The following HS6ST3 variants were observed in gnomAD, a reference collection of about 807,000 sequenced individuals.
HS6ST3 encodes heparan-sulfate 6-O-sulfotransferase 3.
Under a neutral mutation model 36.7 loss-of-function variants are expected in HS6ST3, and 12 were observed. That is an observed-to-expected ratio of 0.33 (90% CI 0.21 to 0.53). HS6ST3 has a LOEUF of 0.53. HS6ST3 is among the 20% of genes least tolerant of loss of function. The pLI, the probability that HS6ST3 is intolerant of heterozygous loss-of-function variation, is 0.95. For missense variants in HS6ST3, 584 were observed against 640.9 expected (o/e 0.91, Z 0.96); for synonymous variants, 240 against 257.5 (o/e 0.93, Z 0.65).
chr13:96,402,255 A>G (rs879558130), intron 1 of HS6ST3, among the ~76,000 whole-genome samples: 1 of 152,224 alleles, frequency 6.6e-6, no homozygotes, highest in Non-Finnish European at 1.5e-5. Flanking sequence ...AGCTCCTCAG[A>G]TTCTCATCTA....
intron 1 of HS6ST3, among the ~76,000 whole-genome samples, chr13:96,198,763 T>C (rs1760923078): frequency 6.6e-6 from 1 of 152,204 alleles, no homozygotes; most frequent in Non-Finnish European, 1.5e-5. Flanking sequence ...TCAACAAGTT[T>C]CTAGGAAGTT....
At chr13:96,413,290 A>G (rs1161798224) in intron 1 of HS6ST3, among the ~76,000 whole-genome samples, 2 of 152,248 alleles carry the variant, frequency 1.3e-5, no homozygotes, top group Non-Finnish European at 2.9e-5. Context: ...GAGTAACAGT[A>G]CCTTGAACAC....
intron 1 of HS6ST3, among the ~76,000 whole-genome samples, chr13:96,103,915 T>C (rs1014007418): frequency 6.6e-6 from 1 of 151,840 alleles, no homozygotes; most frequent in Non-Finnish European, 1.5e-5. Context: ...GAAACCTTTT[T>C]TCCTCCTAGG....
At chr13:96,296,040 A>T (rs147550192) in intron 1 of HS6ST3, among the ~76,000 whole-genome samples, 1 of 152,248 alleles carries the variant, frequency 6.6e-6, no homozygotes, top group African/African-American at 2.4e-5. Flanking sequence ...AGCCATATAT[A>T]CTATTTACAT....
intron 1 of HS6ST3, among the ~76,000 whole-genome samples, chr13:96,375,345 T>C (rs2055309805): frequency 6.6e-6 from 1 of 152,182 alleles, no homozygotes. Context: ...TTGTTTTGTT[T>C]TTACTGTCTA....
intron 1 of HS6ST3, among the ~76,000 whole-genome samples, chr13:96,381,914 G>A (rs909302067): frequency 1.3e-5 from 2 of 152,266 alleles, no homozygotes; most frequent in Non-Finnish European, 1.5e-5. Context: ...TGAGGCAGGA[G>A]GACACTGGCC....
At chr13:96,461,364 A>G (rs1362003923) in intron 1 of HS6ST3, among the ~76,000 whole-genome samples, 2 of 152,160 alleles carry the variant, frequency 1.3e-5, no homozygotes, top group Non-Finnish European at 1.5e-5. Context: ...GTTTAATGCA[A>G]TTGTAGTATT....
intron 1 of HS6ST3, among the ~76,000 whole-genome samples, chr13:96,271,931 C>T (rs2054722323): frequency 6.6e-6 from 1 of 151,858 alleles, no homozygotes; most frequent in Non-Finnish European, 1.5e-5. Context: ...GAGATGCTAC[C>T]AAAGGGATGA....
chr13:96,581,146 A>G (rs2056340480), intron 1 of HS6ST3, among the ~76,000 whole-genome samples: 2 of 152,158 alleles, frequency 1.3e-5, no homozygotes, highest in African/African-American at 4.8e-5. Flanking sequence ...CATTTGAAAA[A>G]GGAATAAATT....
At chr13:96,190,641 A>G (rs887066942) in intron 1 of HS6ST3, among the ~76,000 whole-genome samples, 24 of 152,210 alleles carry the variant, frequency 1.6e-4, no homozygotes, top group Admixed American at 1.3e-3. Context: ...TAAAGCTTAC[A>G]TTTTGAAGGT....
At chr13:96,295,150 C>G (rs1041739657) in intron 1 of HS6ST3, among the ~76,000 whole-genome samples, 6 of 152,160 alleles carry the variant, frequency 3.9e-5, no homozygotes, top group Middle Eastern at 3.4e-3. Flanking sequence ...ATGGCCATGG[C>G]TAGGTATTTT....
At position 96,747,766 on chromosome 13, in the gene HS6ST3, G is replaced by A. The variant is rs1020251370; in HGVS notation, c.708-84724G>A. Among the ~76,000 whole-genome samples, 6 of 152,074 alleles carry A rather than the reference G, an allele frequency of 3.9e-5. No individual in the cohort carries two copies. The East Asian group carries it at 1.2e-3, about 30-fold the overall frequency. ...TGGTTAATGAGAAGGATCTCACTGTGGCCATGGAAATGAGTGGTTGAAGCA... is the reference window on the plus strand; with the variant it reads ...TGGTTAATGAGAAGGATCTCACTGTAGCCATGGAAATGAGTGGTTGAAGCA... On this transcript the variant is annotated intron_variant, in intron 1 of 1. Transcript: ENST00000376705.
chr13:96,455,060 A>G (rs2055748206), intron 1 of HS6ST3, among the ~76,000 whole-genome samples: 1 of 152,168 alleles, frequency 6.6e-6, no homozygotes, highest in African/African-American at 2.4e-5. Flanking sequence ...CCATCTGACT[A>G]CTAATTTTAC....
intron 1 of HS6ST3, among the ~76,000 whole-genome samples, chr13:96,180,224 C>T (rs983515144): frequency 2.3e-4 from 35 of 152,176 alleles, no homozygotes; most frequent in Non-Finnish European, 5.0e-4. Context: ...ACCAACTAAA[C>T]TCATGTGCAT....
At chr13:96,248,207 A>G (rs892859817) in intron 1 of HS6ST3, among the ~76,000 whole-genome samples, 1 of 152,186 alleles carries the variant, frequency 6.6e-6, no homozygotes, top group Non-Finnish European at 1.5e-5. Flanking sequence ...TGTACCAACA[A>G]AAACCTTTTA....
Position 96,689,394 on chromosome 13 carries a change from A to C in HS6ST3, c.708-143096A>C, listed in dbSNP as rs139613445. ...TATCTTTCCCTCATCTAAATTTAAG[A>C]TATTGATCTGTAGCAAATTTAACCT... On this transcript the variant is annotated intron_variant, in intron 1 of 1. Transcript: ENST00000376705. Among the ~76,000 whole-genome samples, 470 of 152,068 alleles carry C rather than the reference A, an allele frequency of 3.1e-3. 2 individuals are homozygous for C. The highest frequency in any genetic ancestry group is 0.01 in the Middle Eastern group (3 of 294).
chr13:96,464,138 C>CAAAAAAAAAAAAAAAAAA (rs67305199), intron 1 of HS6ST3, among the ~76,000 whole-genome samples: 2,156 of 38,744 alleles, frequency 0.056, 561 homozygotes, highest in Non-Finnish European at 0.089. Context: ...TGTCAGGCCT[C>CAAAAAAAAAAAAAAAAAA]AAAAAAAAAA....
chr13:96,217,965 A>G (rs2054435586), intron 1 of HS6ST3, among the ~76,000 whole-genome samples: 1 of 152,188 alleles, frequency 6.6e-6, no homozygotes, highest in Non-Finnish European at 1.5e-5. Context: ...AATGTCTGGC[A>G]CACAGTAGGT....
At chr13:96,278,374 A>G (rs777840584) in intron 1 of HS6ST3, among the ~76,000 whole-genome samples, 1 of 152,182 alleles carries the variant, frequency 6.6e-6, no homozygotes, top group African/African-American at 2.4e-5. Flanking sequence ...AGATTTTGCT[A>G]TGATTATCTC....
Sources: allele counts gnomAD v4.1 joint callset (sites outside exome capture counted in the v4.1 genomes callset), GRCh38; gene constraint gnomAD v4.1.1; transcripts MANE v1.5; gene names NCBI Gene and HGNC (gene_info 2026-07-23, HGNC 2026-07-21).